The following NGLY1 variants were observed in gnomAD, a reference collection of about 807,000 sequenced individuals.
The protein encoded by NGLY1 is peptide-N(4)-(N-acetyl-beta-glucosaminyl)asparagine amidase.
A neutral mutation model predicts 84.6 loss-of-function variants in NGLY1; 68 were observed. The ratio of observed to expected loss-of-function variants is 0.80; its 90% CI spans 0.66 to 0.98. The LOEUF (loss-of-function observed/expected upper bound fraction) is 0.98. Among genes scored for constraint, NGLY1 ranks in the 50% least tolerant of loss-of-function variants. The pLI, the probability that NGLY1 is intolerant of heterozygous loss-of-function variation, is 0.00. For synonymous variants in NGLY1, 280 were observed against 275.2 expected (o/e 1.02, Z -0.17); for missense variants, 779 against 770.2 (o/e 1.01, Z -0.14).
intron 3 of NGLY1, among the ~76,000 whole-genome samples, chr3:25,760,855 T>G: frequency 2.1e-5 from 1 of 48,722 alleles, no homozygotes; most frequent in Non-Finnish European, 3.9e-5. Context: ...AGTGAAACTC[T>G]GTCTCAAAAA....
chr3:25,767,003 T>C lies in NGLY1; in HGVS notation c.247-2692A>G, dbSNP rs569399853. Among the ~76,000 whole-genome samples, 9 of 151,944 alleles carry C rather than the reference T, an allele frequency of 5.9e-5. No homozygotes were observed. In the East Asian group the frequency reaches 1.7e-3, roughly 29 times the overall value. On this transcript the variant is annotated intron_variant, in intron 2 of 11. Transcript: ENST00000280700. ...CTAGATTTAATAATATTTTAAGAAA[T>C]CAAAAAGAGGCCAGGCGCAGTGGCT...
At chr3:25,756,170 T>C (rs902285301) in intron 3 of NGLY1, among the ~76,000 whole-genome samples, 3 of 152,148 alleles carry the variant, frequency 2.0e-5, no homozygotes, top group African/African-American at 7.2e-5. Context: ...TTGAATGTTT[T>C]TGTTTCTTGG....
intron 3 of NGLY1, among the ~76,000 whole-genome samples, chr3:25,763,160 A>G (rs1302575167): frequency 6.6e-6 from 1 of 152,168 alleles, no homozygotes; most frequent in Non-Finnish European, 1.5e-5. Context: ...AAGAAGTTTA[A>G]ACAAGATTAA....
In NGLY1 at chr3:25,768,561, CTTTTTTTTT is replaced by C. The variant is rs752193155; in HGVS notation, c.247-4259_247-4251del. 3.4e-5 allele frequency among the ~76,000 whole-genome samples: 4 copies of C among 116,348 alleles called. No homozygotes were observed. In the Admixed American group the frequency reaches 3.5e-4, roughly 10 times the overall value. 76.3% of individuals were successfully genotyped at this position (116,348 alleles called of 152,430 possible). On this transcript the variant is annotated intron_variant, in intron 2 of 11. Transcript: ENST00000280700. ...CTGGGCAAAGATTTCATAAGTAAGA[CTTTTTTTTT>C]TTTTTTTTTTTTTAGCGGAGTCTCA... is the stretch of plus-strand genomic sequence containing the variant.
intron 5 of NGLY1, among the ~76,000 whole-genome samples, chr3:25,737,696 C>A (rs1705909024): frequency 6.6e-6 from 1 of 151,874 alleles, no homozygotes; most frequent in Admixed American, 6.6e-5. Context: ...GTGCATGCCA[C>A]CAGGTCTGGC....
At chr3:25,755,613 A>AC in intron 3 of NGLY1, 1 of 1,496,648 alleles carries the variant, frequency 6.7e-7, no homozygotes, top group Non-Finnish European at 9.3e-7. Context: ...ATCATAGAAC[A>AC]CAGCCAATGA....
At chr3:25,727,791 G>A (rs889057100) in intron 10 of NGLY1, among the ~76,000 whole-genome samples, 1 of 152,128 alleles carries the variant, frequency 6.6e-6, no homozygotes, top group Admixed American at 6.6e-5. Flanking sequence ...CACATCTTCT[G>A]TAACACATCA....
At chr3:25,759,234 A>G (rs1707187086) in intron 3 of NGLY1, among the ~76,000 whole-genome samples, 1 of 152,132 alleles carries the variant, frequency 6.6e-6, no homozygotes, top group East Asian at 1.9e-4. Context: ...CAGCTGACAA[A>G]AGAAATGTAG....
chr3:25,721,041 G>A (rs1704963689), intron 10 of NGLY1, among the ~76,000 whole-genome samples: 1 of 152,154 alleles, frequency 6.6e-6, no homozygotes, highest in Non-Finnish European at 1.5e-5. Context: ...TTATCTTAAT[G>A]CAATTGACTA....
rs1266218164 is a variant in NGLY1, at chr3:25,733,887, A to G, written c.1245T>C (p.Asn415=). ...CACACCATACCTGCTTATTAAGCCC[A>G]TTAATAGTGTCTCGAAGTAATGCTT... ...VKEALLRDTI[N]GLNKQRQLFL... The change falls in exon 8 of 12, where the codon AAT becomes AAC. Residue 415 remains asparagine (N), a synonymous_variant. Transcript: ENST00000280700. 2.5e-6 allele frequency: 4 copies of G among 1,613,176 alleles called. No individual in the cohort carries two copies. The highest frequency in any genetic ancestry group is 1.1e-5 in the South Asian group (1 of 91,004).
At chr3:25,749,809 C>T in intron 4 of NGLY1, 1 of 1,260,906 alleles carries the variant, frequency 7.9e-7, no homozygotes, top group Non-Finnish European at 1.1e-6. Flanking sequence ...CCTCCAAGAA[C>T]TGCAAAGCCA....
intron 4 of NGLY1, among the ~76,000 whole-genome samples, chr3:25,742,282 G>A (rs1339294089): frequency 6.6e-6 from 1 of 152,112 alleles, no homozygotes; most frequent in Non-Finnish European, 1.5e-5. Context: ...CCACTGTGGT[G>A]GCATTTAGAA....
chr3:25,736,615 C>G (rs1705838483), intron 6 of NGLY1: 1 of 398,890 alleles, frequency 2.5e-6, no homozygotes, highest in South Asian at 6.0e-5. Flanking sequence ...TCATTTAATT[C>G]TTTAGAAAAT....
chr3:25,775,358 T>C (rs1708107797), intron 2 of NGLY1, among the ~76,000 whole-genome samples: 1 of 152,218 alleles, frequency 6.6e-6, no homozygotes, highest in Non-Finnish European at 1.5e-5. Flanking sequence ...GCAGCACTAT[T>C]CACAATGGCC....
chr3:25,767,462 T>C (rs1707642952), intron 2 of NGLY1, among the ~76,000 whole-genome samples: 1 of 152,100 alleles, frequency 6.6e-6, no homozygotes, highest in Non-Finnish European at 1.5e-5. Flanking sequence ...CCCTAGCAAA[T>C]TTCCCGTACT....
intron 1 of NGLY1, chr3:25,782,907 A>T (rs2125330284): frequency 4.2e-6 from 1 of 237,002 alleles, no homozygotes; most frequent in Middle Eastern, 1.4e-3. Context: ...GTGTCCCGAT[A>T]TCTGAGGCCG....
chr3:25,772,304 T>C (rs1038035402), intron 2 of NGLY1, among the ~76,000 whole-genome samples: 25 of 152,194 alleles, frequency 1.6e-4, no homozygotes, highest in Non-Finnish European at 1.5e-5. Flanking sequence ...CTAGTAGCAA[T>C]TGTTTTATAA....
intron 1 of NGLY1, among the ~76,000 whole-genome samples, chr3:25,780,827 C>T (rs914457647): frequency 7.2e-5 from 11 of 151,790 alleles, no homozygotes; most frequent in Middle Eastern, 3.4e-3. Context: ...TGTGTTGCCC[C>T]GGCTGCAATC....
At chr3:25,748,829 C>A (rs936447460) in intron 4 of NGLY1, among the ~76,000 whole-genome samples, 1 of 152,094 alleles carries the variant, frequency 6.6e-6, no homozygotes, top group Non-Finnish European at 1.5e-5. Context: ...ATCATATATT[C>A]TGTGGGCTAA....
Sources: allele counts gnomAD v4.1 joint callset (sites outside exome capture counted in the v4.1 genomes callset), GRCh38; gene constraint gnomAD v4.1.1; transcripts MANE v1.5; gene names NCBI Gene and HGNC (gene_info 2026-07-23, HGNC 2026-07-21).